Variants in PTDSS2 observed in about 807,000 individuals in gnomAD.
The protein encoded by PTDSS2 is PSS-2.
PTDSS2 carries 41 observed loss-of-function variants against 64.7 expected under a neutral mutation model. The ratio of observed to expected loss-of-function variants is 0.63; its 90% confidence interval spans 0.49 to 0.82. The LOEUF (loss-of-function observed/expected upper bound fraction) is 0.82. Ranked by LOEUF, PTDSS2 falls within the 40% of genes least tolerant of loss-of-function variation. PTDSS2 has a pLI of 0.00. For missense variants in PTDSS2, 485 were observed against 650.0 expected, an observed-to-expected ratio of 0.75 and a Z score of 2.76; for synonymous variants, 297 against 277.8, an observed-to-expected ratio of 1.07 and a Z score of -0.69.
Position 486,591 on chromosome 11 carries a change from C to A in PTDSS2, c.436-348C>A, listed in dbSNP as rs976225221. Among the ~76,000 whole-genome samples the A allele has an allele frequency of 3.9e-5, 6 of 152,148 alleles. 1 individual carries two copies. Among genetic ancestry groups the A allele is most frequent in the Non-Finnish European group, 5.9e-5 (4 of 68,008 alleles). ...GGCGTGGTGGCTCACGGCTGTAATC[C>A]CAGCTCTTTGGGAGGCCGAAGTGGG... is the stretch of plus-strand genomic sequence containing the variant. On this transcript the variant is annotated intron_variant, in intron 4 of 11. Transcript: ENST00000308020.
intron 1 of PTDSS2, among the ~76,000 whole-genome samples, chr11:454,807 C>T (rs1222545822): frequency 2.6e-5 from 4 of 152,132 alleles, no homozygotes; most frequent in African/African-American, 9.7e-5. Flanking sequence ...AAAAAGAAGT[C>T]AAGTTTCAAT....
intron 3 of PTDSS2, among the ~76,000 whole-genome samples, chr11:478,157 C>T (rs191016004): frequency 6.6e-6 from 1 of 152,242 alleles, no homozygotes; most frequent in Admixed American, 6.5e-5. Flanking sequence ...AAAAATTGAT[C>T]CCCTTAAATG....
rs1247078877 is a variant in PTDSS2, at chr11:489,475, C to T, written c.930C>T (p.Ser310=). 2.5e-6 allele frequency: 4 copies of T among 1,613,242 alleles called. No individual in the cohort carries two copies. In the East Asian group the frequency reaches 6.7e-5, roughly 27 times the overall value. Residue 310 remains serine (S), a synonymous_variant, in exon 9 of 12, where the codon AGC becomes AGT. Coordinates refer to ENST00000308020, the MANE Select transcript of PTDSS2 (RefSeq NM_030783.3). Reference sequence around the variant, plus strand: ...GCTTCGAGTGGAAGCCGGCCTCCAGCCTGCGTCGCTGGCTGGCCGTGTGCG... The same window carrying T: ...GCTTCGAGTGGAAGCCGGCCTCCAGTCTGCGTCGCTGGCTGGCCGTGTGCG... The part of the protein sequence containing the change: ...WVRFEWKPAS[S]LRRWLAVCGI...
rs1185068202 is a variant in PTDSS2, at chr11:461,130, G to A, written c.284+842G>A. 6.6e-6 allele frequency: 1 copy of A among 152,386 alleles called. No homozygotes were observed. The highest frequency in any genetic ancestry group is 1.5e-5 in the Non-Finnish European group (1 of 68,140). 9.4% of individuals were successfully genotyped at this position (152,386 alleles called of 1,614,324 possible). A position where few individuals can be genotyped will look rare whatever the true frequency, so the allele number is the denominator to read the frequency against. On this transcript the variant is annotated intron_variant, in intron 2 of 11. Coordinates refer to ENST00000308020, the MANE Select transcript of PTDSS2 (RefSeq NM_030783.3). The surrounding 1 kb of genome is among the most constrained non-coding windows in gnomAD (Gnocchi z 4.2). ...TCGGGGCCACAAGTTGGCTCTGGTT[G>A]GCGGGAGCCCTGGGGTTTGTAGGAC...
At chr11:459,443 C>G (rs1164260099) in intron 1 of PTDSS2, 1 of 152,708 alleles carries the variant, frequency 6.5e-6, no homozygotes, top group African/African-American at 2.4e-5. Flanking sequence ...GGTGCATCAT[C>G]TCTCCGAGGA....
In PTDSS2 at chr11:450,485, A is replaced by G. The variant is rs182480820; in HGVS notation, c.30A>G (p.Gly10=). Residue 10 remains glycine, a synonymous_variant, in exon 1 of 12, where the codon GGA becomes GGG. Transcript: ENST00000308020. MRRGERRDA[G]GPRPESPVPA... is the part of the protein sequence containing the mutation. The stretch of plus-strand genomic sequence containing the variant: ...GGAGGGGCGAGCGCAGGGACGCCGG[A>G]GGTCCGCGGCCCGAGTCCCCGGTGC... 3,151 of 1,234,678 alleles carry G rather than the reference A, an allele frequency of 2.6e-3. 68 individuals carry two copies. The African/African-American group carries it at 0.044, about 17-fold the overall frequency. The allele number at this position is 1,234,678 out of a possible 1,614,324, so 76.5% of individuals were successfully genotyped here. A position where few individuals can be genotyped will look rare whatever the true frequency, so the allele number is the denominator to read the frequency against.
rs1267726805 is a variant in PTDSS2, at chr11:462,253, G to A, written c.284+1965G>A. ...GGCCAGGAGCTTAGACCCCTGAGGG[G>A]GCAGCAGTGGTGGGCACGTCCCCCA... On this transcript the variant is annotated intron_variant, in intron 2 of 11. Transcript: ENST00000308020. This position sits in a 1 kb window ranked among gnomAD's most constrained non-coding sequence, Gnocchi z 4.5. Among the ~76,000 whole-genome samples, 1 of 152,018 alleles carries A rather than the reference G, an allele frequency of 6.6e-6. No homozygotes were observed. Among genetic ancestry groups the A allele is most frequent in the East Asian group, 1.9e-4 (1 of 5,168 alleles).
intron 1 of PTDSS2, among the ~76,000 whole-genome samples, chr11:458,236 G>T (rs1032125811): frequency 6.7e-6 from 1 of 148,626 alleles, no homozygotes; most frequent in South Asian, 2.1e-4. Flanking sequence ...ATTGAGTCTC[G>T]CTCTGTCGCC....
intron 2 of PTDSS2, among the ~76,000 whole-genome samples, chr11:471,986 CGCGG>C (rs1847476000): frequency 7.7e-6 from 1 of 130,312 alleles, no homozygotes; most frequent in African/African-American, 3.4e-5. Context: ...CCTGGGGTGA[CGCGG>C]ATGGCGGCCT....
chr11:479,423 A>C lies in PTDSS2; in HGVS notation c.435+271A>C. ...TGCTGGTGGGGCGCTGACTGTGGCC[A>C]TTTAGCAGGGCCACACTTAAGGAGG... On this transcript the variant is annotated intron_variant, in intron 4 of 11. Coordinates refer to ENST00000308020, the MANE Select transcript of PTDSS2 (RefSeq NM_030783.3). This position sits in a 1 kb window ranked among gnomAD's most constrained non-coding sequence, Gnocchi z 4.2. 3 of 548,618 alleles carry C rather than the reference A, an allele frequency of 5.5e-6. No homozygotes were observed. The highest frequency in any genetic ancestry group is 3.1e-5 in the East Asian group (1 of 31,764). The allele number at this position is 548,618 out of a possible 1,614,324, so 34.0% of individuals were successfully genotyped here.
chr11:482,770 CTG>C (rs1848128825), intron 4 of PTDSS2, among the ~76,000 whole-genome samples: 1 of 151,330 alleles, frequency 6.6e-6, no homozygotes, highest in African/African-American at 2.4e-5. Context: ...GCAGAAAGTT[CTG>C]TGAGTTTTTC....
chr11:454,432 T>C (rs1366034446), intron 1 of PTDSS2, among the ~76,000 whole-genome samples: 11 of 152,206 alleles, frequency 7.2e-5, no homozygotes. Context: ...GGTTGATCAA[T>C]GATCAGCGTT....
chr11:471,580 G>A (rs552758994), intron 2 of PTDSS2, among the ~76,000 whole-genome samples: 5 of 151,124 alleles, frequency 3.3e-5, no homozygotes, highest in African/African-American at 1.2e-4. Flanking sequence ...GCGGAGGGCG[G>A]CCTGGGGTGA....
At position 450,298 on chromosome 11, in the gene PTDSS2, T is replaced by A. The variant is rs1041964181; in HGVS notation, c.-158T>A. 1.9e-6 allele frequency: 1 copy of A among 517,056 alleles called. No individual in the cohort carries two copies. The highest frequency in any genetic ancestry group is 2.9e-6 in the Non-Finnish European group (1 of 341,620). The allele number at this position is 517,056 out of a possible 1,614,324, so 32.0% of individuals were successfully genotyped here. On this transcript the variant is annotated 5_prime_UTR_variant, in exon 1 of 12. Coordinates refer to ENST00000308020, the MANE Select transcript of PTDSS2 (RefSeq NM_030783.3). ...AGCCCCACAATGCACCGCACACCCT[T>A]TACTGGCCGGCCCCGCGCTGCTCTC... is the stretch of plus-strand genomic sequence containing the variant.
At chr11:487,390 G>A (rs1000053565) in intron 5 of PTDSS2, 30 bp from the exon 6 acceptor site, 3 of 1,610,460 alleles carry the variant, frequency 1.9e-6, no homozygotes, top group African/African-American at 2.7e-5. Flanking sequence ...CTGTGCCCCA[G>A]GGTCAAGGGT....
chr11:476,651 T>C lies in PTDSS2; in HGVS notation c.368-2434T>C, dbSNP rs545876577. ...CCCTCAGCTCTGAGCAGTCAGGAGCTCTGGCGCAGGTCACCTGGCGGGATG... is the reference window on the plus strand; with the variant it reads ...CCCTCAGCTCTGAGCAGTCAGGAGCCCTGGCGCAGGTCACCTGGCGGGATG... On this transcript the variant is annotated intron_variant, in intron 3 of 11. Coordinates refer to ENST00000308020, the MANE Select transcript of PTDSS2 (RefSeq NM_030783.3). This position sits in a 1 kb window ranked among gnomAD's most constrained non-coding sequence, Gnocchi z 4.9. Among the ~76,000 whole-genome samples the C allele has an allele frequency of 2.8e-4, 42 of 152,134 alleles. No homozygotes were observed. The South Asian group carries it at 3.7e-3, about 14-fold the overall frequency.
intron 3 of PTDSS2, among the ~76,000 whole-genome samples, chr11:474,640 C>G (rs1847637799): frequency 6.6e-6 from 1 of 152,258 alleles, no homozygotes; most frequent in Non-Finnish European, 1.5e-5. Context: ...CTCTGTCCCC[C>G]AAGTCCCACC....
rs200098234 is a variant in PTDSS2 at position 489,535 on chromosome 11, G to A, written c.969+21G>A. 7.5e-4 allele frequency: 1,206 copies of A among 1,610,656 alleles called. 5 individuals are homozygous for A. Among genetic ancestry groups the A allele is most frequent in the East Asian group, 5.6e-4 (25 of 44,734 alleles). On this transcript the variant is annotated intron_variant, in intron 9 of 11. Coordinates refer to ENST00000308020, the MANE Select transcript of PTDSS2 (RefSeq NM_030783.3). ...TGGTGGTAAGGCCGGGCTGCCTCGC[G>A]ACGGCGCGGCGGGCGGGGGGCCAGA...
At position 485,379 on chromosome 11, in the gene PTDSS2, A is replaced by G. The variant is rs1181338813; in HGVS notation, c.436-1560A>G. ...AGGCGTCTGTAAACAGTGCATGGGC[A>G]TGTGTGCTGTGTGTGTGCAGGCGAC... On this transcript the variant is annotated intron_variant, in intron 4 of 11. Coordinates refer to ENST00000308020, the MANE Select transcript of PTDSS2 (RefSeq NM_030783.3). Among the ~76,000 whole-genome samples, 6 of 114,340 alleles carry G rather than the reference A, an allele frequency of 5.2e-5. No homozygotes were observed. In the South Asian group the frequency reaches 1.3e-3, roughly 25 times the overall value. 75.0% of individuals were successfully genotyped at this position (114,340 alleles called of 152,430 possible). A position where few individuals can be genotyped will look rare whatever the true frequency, so the allele number is the denominator to read the frequency against.
Sources: gnomAD v4.1 joint callset for allele counts (sites outside exome capture counted in the v4.1 genomes callset) on GRCh38, gnomAD v4.1.1 for gene constraint, Gnocchi (gnomAD v3.1) non-coding constraint, MANE v1.5 for transcripts, NCBI Gene and HGNC (gene_info 2026-07-23, HGNC 2026-07-21) for gene names.